Variants in ZNF44 observed in about 807,000 individuals in gnomAD.
ZNF44 encodes zinc finger protein 44.
In ZNF44, 9 loss-of-function variants were observed where a neutral mutation model predicts 11.7. The observed-to-expected ratio is 0.77, with a 90% confidence interval of 0.46 to 1.35. ZNF44 has a LOEUF of 1.35. ZNF44 is among the 40% of genes most tolerant of loss of function. The pLI is 0.00. For missense variants in ZNF44, 696 were observed against 743.1 expected, an observed-to-expected ratio of 0.94 and a Z score of 0.74; for synonymous variants, 224 against 242.7, an observed-to-expected ratio of 0.92 and a Z score of 0.72.
intron 1 of ZNF44, chr19:12,284,746 C>A: frequency 1.3e-6 from 1 of 776,170 alleles, no homozygotes; most frequent in East Asian, 2.7e-5. Context: ...AAGGAGGCAG[C>A]CACTGCCATC....
intron 5 of ZNF44, chr19:12,260,595 T>C (rs1055671502): frequency 1.6e-6 from 1 of 642,256 alleles, no homozygotes; most frequent in Non-Finnish European, 2.8e-6. Flanking sequence ...CAGCCCCTCA[T>C]GCCCGCAAAA....
chr19:12,227,665 C>T (rs1365687005), intron 3 of ZNF44, among the ~76,000 whole-genome samples: 1 of 152,182 alleles, frequency 6.6e-6, no homozygotes, highest in South Asian at 2.1e-4. Flanking sequence ...ATATCTGTTA[C>T]CTTTGTGGCA....
At chr19:12,239,275 A>C (rs1916518073), upstream of ZNF44, among the ~76,000 whole-genome samples, 1 of 151,570 alleles carries the variant, frequency 6.6e-6, no homozygotes, top group African/African-American at 2.4e-5. Context: ...CACCATGCCC[A>C]GCTAATTTTT....
chr19:12,227,560 C>T (rs1392483428), intron 3 of ZNF44, among the ~76,000 whole-genome samples: 1 of 152,206 alleles, frequency 6.6e-6, no homozygotes, highest in Non-Finnish European at 1.5e-5. Context: ...GAGCCAAGAT[C>T]GTGCCATTGC....
chr19:12,284,099 A>G (rs552445427), intron 1 of ZNF44, among the ~76,000 whole-genome samples: 1 of 152,268 alleles, frequency 6.6e-6, no homozygotes, highest in Non-Finnish European at 1.5e-5. Context: ...ATTCGTGTAT[A>G]AAGTATGCCT....
chr19:12,235,487 CA>C (rs1487152598), intron 1 of ZNF44, among the ~76,000 whole-genome samples: 1 of 152,094 alleles, frequency 6.6e-6, no homozygotes, highest in Non-Finnish European at 1.5e-5. Flanking sequence ...ATCCTACTGC[CA>C]AAACTAGATA....
At chr19:12,255,219 A>G (rs973811184) in intron 5 of ZNF44, among the ~76,000 whole-genome samples, 7 of 152,192 alleles carry the variant, frequency 4.6e-5, no homozygotes, top group Non-Finnish European at 7.3e-5. Flanking sequence ...AAAATATATA[A>G]TCAATTATCT....
chr19:12,278,490 G>A (rs910688967), intron 1 of ZNF44, among the ~76,000 whole-genome samples: 6 of 152,096 alleles, frequency 3.9e-5, no homozygotes, highest in Non-Finnish European at 7.4e-5. Context: ...AGCTGGTCTC[G>A]GCACCAAGGG....
In ZNF44 at chr19:12,231,373, A is replaced by C. The variant is rs189183159; in HGVS notation, n.381-858T>G. On this transcript the variant is annotated intron_variant and non_coding_transcript_variant, in intron 2 of 3. Transcript: ENST00000597563. ...CTGCTGTCCCTCCCCGCCACTGAAC[A>C]CTCAGTTCCTAAAGAGAGAGGATTA... Among the ~76,000 whole-genome samples the C allele has an allele frequency of 2.6e-5, 4 of 152,142 alleles. No homozygotes were observed. The East Asian group carries it at 7.7e-4, about 29-fold the overall frequency.
At chr19:12,247,324 A>T (rs1916795544), downstream of ZNF44, 7 of 1,283,636 alleles carry the variant, frequency 5.5e-6, no homozygotes, top group Non-Finnish European at 7.1e-6. Context: ...GATGCACGCC[A>T]AATGAAGGCG....
Position 12,272,836 on chromosome 19 carries a change from C to T in ZNF44, c.1419G>A (p.Glu473=). 3.1e-6 allele frequency: 5 copies of T among 1,613,942 alleles called. No individual in the cohort carries two copies. Among genetic ancestry groups the T allele is most frequent in the Non-Finnish European group, 4.2e-6 (5 of 1,179,900 alleles). Residue 473 remains glutamate, a synonymous_variant, in exon 4 of 4, where the codon GAG becomes GAA. Transcript: ENST00000355684. ...FQSHETTHSE[E]EPYECKECGK... is the part of the protein sequence containing the mutation. The stretch of plus-strand genomic sequence containing the variant: ...CACACTCCTTACATTCATAAGGCTC[C>T]TCTTCACTGTGTGTTGTTTCATGAC...
At position 12,294,847 on chromosome 19, in the gene ZNF44, A is replaced by C; in HGVS notation, c.-153T>G. 1.2e-6 allele frequency: 1 copy of C among 820,292 alleles called. No individual in the cohort carries two copies. Among genetic ancestry groups the C allele is most frequent in the Non-Finnish European group, 1.8e-6 (1 of 552,128 alleles). The allele number at this position is 820,292 out of a possible 1,614,324, so 50.8% of individuals were successfully genotyped here. A position where few individuals can be genotyped will look rare whatever the true frequency, so the allele number is the denominator to read the frequency against. On this transcript the variant is annotated 5_prime_UTR_variant, in exon 1 of 4. Coordinates refer to ENST00000355684, the MANE Select transcript of ZNF44 (RefSeq NM_016264.4). ...GGTGAAGAGGCCACTAGCTCCTGGA[A>C]CGTCACACCCTCCTCTCTGCCTCGC...
At chr19:12,252,698 T>C (rs1221058460) in intron 5 of ZNF44, among the ~76,000 whole-genome samples, 1 of 151,112 alleles carries the variant, frequency 6.6e-6, no homozygotes, top group Non-Finnish European at 1.5e-5. Flanking sequence ...GATAGCTGTA[T>C]ACTGAAAACT....
At chr19:12,278,461 G>A (rs1051923864) in intron 1 of ZNF44, among the ~76,000 whole-genome samples, 1 of 152,122 alleles carries the variant, frequency 6.6e-6, no homozygotes, top group Admixed American at 6.6e-5. Context: ...GTGCCGCTGG[G>A]TTAGGCTCTC....
chr19:12,241,833 A>G (rs1288564967), upstream of ZNF44, among the ~76,000 whole-genome samples: 1 of 152,206 alleles, frequency 6.6e-6, no homozygotes. Context: ...TGGTGTATCC[A>G]ATATACCACA....
chr19:12,252,940 T>C (rs773961377), intron 5 of ZNF44, among the ~76,000 whole-genome samples: 3 of 131,070 alleles, frequency 2.3e-5, no homozygotes, highest in Non-Finnish European at 4.7e-5. Flanking sequence ...CAGGCTAGAA[T>C]GCACTGGCAC....
chr19:12,293,699 G>A (rs975000516), intron 1 of ZNF44, among the ~76,000 whole-genome samples: 7 of 152,172 alleles, frequency 4.6e-5, no homozygotes, highest in African/African-American at 1.7e-4. Context: ...GAAACCAAAA[G>A]ATTTACTGTT....
At chr19:12,261,322 T>C (rs1192908080) in intron 5 of ZNF44, among the ~76,000 whole-genome samples, 1 of 152,228 alleles carries the variant, frequency 6.6e-6, no homozygotes, top group African/African-American at 2.4e-5. Context: ...CAACCACTAA[T>C]TACAAGAACA....
At chr19:12,291,831 A>T (rs964024289) in intron 1 of ZNF44, among the ~76,000 whole-genome samples, 3 of 151,866 alleles carry the variant, frequency 2.0e-5, no homozygotes, top group Non-Finnish European at 2.9e-5. Context: ...GTCTCTACTT[A>T]AAAATACAAA....
Sources: gnomAD v4.1 joint callset for allele counts (sites outside exome capture counted in the v4.1 genomes callset) on GRCh38, gnomAD v4.1.1 for gene constraint, MANE v1.5 for transcripts, NCBI Gene and HGNC (gene_info 2026-07-23, HGNC 2026-07-21) for gene names.